The following SRRM1 variants were observed in gnomAD, a reference collection of about 807,000 sequenced individuals.
SRRM1 encodes the protein serine and arginine repetitive matrix 1.
In SRRM1, 19 loss-of-function variants were observed where a neutral mutation model predicts 110.2. The ratio of observed to expected loss-of-function variants is 0.17; its 90% CI spans 0.12 to 0.25. SRRM1 has a LOEUF of 0.25. SRRM1 is among the 10% of genes least tolerant of loss of function. The pLI, the probability that SRRM1 is intolerant of heterozygous loss-of-function variation, is 1.00. For synonymous variants in SRRM1, 443 were observed against 414.9 expected, an observed-to-expected ratio of 1.07 and a Z score of -0.82; for missense variants, 918 against 1,145.8, an observed-to-expected ratio of 0.80 and a Z score of 2.87.
chr1:24,667,844 T>C (rs778365885), intron 13 of SRRM1, among the ~76,000 whole-genome samples: 35 of 152,216 alleles, frequency 2.3e-4, no homozygotes, highest in Admixed American at 3.9e-4. Flanking sequence ...CATGGTGAAG[T>C]GGCAAATCTC....
In SRRM1 at chr1:24,670,156, C is replaced by A; in HGVS notation, c.2241C>A (p.Val747=). ...CAAGCCCACAGTCTGTAAGAAGGGT[C>A]TCATCCTCCCGATCTGTCTCCGGGT... ...ASPSPQSVRR[V]SSSRSVSGSP... Residue 747 remains valine (V), a synonymous_variant, in exon 15 of 17, where the codon GTC becomes GTA. Coordinates refer to ENST00000323848, the MANE Select transcript of SRRM1 (RefSeq NM_005839.4). The A allele has an allele frequency of 6.2e-7, 1 of 1,612,256 alleles. No individual in the cohort carries two copies. Among genetic ancestry groups the A allele is most frequent in the Non-Finnish European group, 8.5e-7 (1 of 1,179,310 alleles).
At chr1:24,666,507 A>T (rs1670048989) in intron 12 of SRRM1, 1 of 283,030 alleles carries the variant, frequency 3.5e-6, no homozygotes. Flanking sequence ...CACACCTATA[A>T]TCCCAGCACT....
intron 12 of SRRM1, among the ~76,000 whole-genome samples, chr1:24,663,681 A>G (rs982110572): frequency 6.6e-5 from 10 of 151,988 alleles, no homozygotes; most frequent in African/African-American, 2.4e-4. Flanking sequence ...GATCAAGACC[A>G]TCCTGGCCAA....
chr1:24,650,003 G>A lies in SRRM1; in HGVS notation c.438G>A (p.Lys146=). The A allele has an allele frequency of 6.3e-7, 1 of 1,592,674 alleles. No individual in the cohort carries two copies. Among genetic ancestry groups the A allele is most frequent in the East Asian group, 2.2e-5 (1 of 44,522 alleles). Reference sequence around the variant, plus strand: ...AAGAAAAACTGGCATCTATGAAAAAGCAAGATGAAGACAAAGATAAAAGAG... The same window carrying A: ...AAGAAAAACTGGCATCTATGAAAAAACAAGATGAAGACAAAGATAAAAGAG... ...IEQEKLASMK[K]QDEDKDKRDK... The change falls in exon 5 of 17, where the codon AAG becomes AAA. Residue 146 remains lysine, a synonymous_variant. Transcript: ENST00000323848.
At chr1:24,644,771 G>C (rs1176800664) in intron 1 of SRRM1, among the ~76,000 whole-genome samples, 1 of 152,166 alleles carries the variant, frequency 6.6e-6, no homozygotes, top group Non-Finnish European at 1.5e-5. Context: ...ATTTTCTGCA[G>C]TGCAAGTAGT....
intron 10 of SRRM1, chr1:24,661,007 TTTC>T: frequency 1.9e-6 from 1 of 540,354 alleles, no homozygotes; most frequent in East Asian, 3.0e-5. Context: ...TATCTGAGCC[TTTC>T]TTCTTTCATC....
chr1:24,665,938 A>AT (rs1375359367), intron 12 of SRRM1, among the ~76,000 whole-genome samples: 4 of 152,218 alleles, frequency 2.6e-5, no homozygotes, highest in African/African-American at 7.2e-5. Context: ...GGCAAAAAAA[A>AT]TTAAGAGCTT....
Position 24,654,709 on chromosome 1 carries a change from C to G in SRRM1, c.1041-146C>G, listed in dbSNP as rs1188107521. On this transcript the variant is annotated intron_variant, in intron 8 of 16. Transcript: ENST00000323848. ...CTGGCCTAGGTTATGGTTTTTTCCC[C>G]CATTCTTTTGGACTCATTTATGTGC... The G allele has an allele frequency of 3.2e-6, 3 of 926,190 alleles. No homozygotes were observed. The African/African-American group carries it at 5.0e-5, about 16-fold the overall frequency. 57.4% of individuals were successfully genotyped at this position (926,190 alleles called of 1,614,324 possible). A position where few individuals can be genotyped will look rare whatever the true frequency, so the allele number is the denominator to read the frequency against.
intron 1 of SRRM1, chr1:24,643,828 CT>C (rs1376625049): frequency 1.3e-5 from 2 of 156,136 alleles, no homozygotes; most frequent in Non-Finnish European, 2.8e-5. Flanking sequence ...CATTCAGCGG[CT>C]TTTTTTGAAA....
intron 16 of SRRM1, 152 bp from the exon 17 acceptor site, chr1:24,672,030 C>T: frequency 1.8e-6 from 1 of 547,024 alleles, no homozygotes; most frequent in East Asian, 3.3e-5. Flanking sequence ...ATTAACTCGT[C>T]GTTTAGCATT....
chr1:24,652,778 GTACCA>G, intron 7 of SRRM1, 130 bp from the exon 8 acceptor site: 1 of 1,336,210 alleles, frequency 7.5e-7, no homozygotes, highest in Non-Finnish European at 1.0e-6. Context: ...ACTTTTCTGT[GTACCA>G]TAAAAATCTA....
At chr1:24,655,184 A>G in intron 9 of SRRM1, 55 bp downstream of exon 9, 1 of 1,580,512 alleles carries the variant, frequency 6.3e-7, no homozygotes, top group Admixed American at 1.7e-5. Flanking sequence ...TACAAAGCGT[A>G]GTCAGTTATT....
chr1:24,646,163 G>A, intron 2 of SRRM1, 90 bp downstream of exon 2: 1 of 927,166 alleles, frequency 1.1e-6, no homozygotes, highest in Non-Finnish European at 1.7e-6. Flanking sequence ...ATTGTAACTT[G>A]AATGCTAAGA....
chr1:24,646,828 A>T (rs765852750), intron 3 of SRRM1, 39 bp downstream of exon 3: 17 of 1,513,160 alleles, frequency 1.1e-5, no homozygotes, highest in African/African-American at 2.9e-5. Flanking sequence ...TGAATATGTG[A>T]TATAATTTGT....
chr1:24,662,021 G>A (rs1396377263), intron 11 of SRRM1, among the ~76,000 whole-genome samples: 1 of 152,196 alleles, frequency 6.6e-6, no homozygotes, highest in East Asian at 1.9e-4. Context: ...AGGAGGCAGA[G>A]GTTGCAGTGA....
chr1:24,669,299 C>T lies in SRRM1; in HGVS notation c.1916C>T (p.Pro639Leu). ...PPPKRRVSHS[P>L]PPKQRSSPVT... ...CCAAAGCGGCGGGTCTCCCATTCTCCACCTCCCAAACAAAGAAGCTCCCCA... is the reference window on the plus strand; with the variant it reads ...CCAAAGCGGCGGGTCTCCCATTCTCTACCTCCCAAACAAAGAAGCTCCCCA... Residue 639 changes from proline to leucine, a missense_variant, in exon 14 of 17, where the codon CCA (proline) becomes CTA (leucine). Pro to Leu is a moderately conservative substitution (Grantham distance 98). Coordinates refer to ENST00000323848, the MANE Select transcript of SRRM1 (RefSeq NM_005839.4). The T allele has an allele frequency of 6.2e-7, 1 of 1,614,156 alleles. No individual in the cohort carries two copies. Among genetic ancestry groups the T allele is most frequent in the Non-Finnish European group, 8.5e-7 (1 of 1,180,038 alleles).
intron 1 of SRRM1, 90 bp downstream of exon 1, chr1:24,643,437 G>A: frequency 1.7e-6 from 2 of 1,192,830 alleles, no homozygotes; most frequent in Non-Finnish European, 2.3e-6. Flanking sequence ...GGTGGCCAGC[G>A]AGGGGAGCTT....
At chr1:24,660,602 T>C (rs906544769) in intron 9 of SRRM1, 117 bp from the exon 10 acceptor site, 7 of 444,158 alleles carry the variant, frequency 1.6e-5, no homozygotes, top group South Asian at 5.0e-5. Flanking sequence ...CTGACTAATA[T>C]AGTGAGACCC....
In SRRM1 at chr1:24,652,634, T is replaced by C. The variant is rs1661642244; in HGVS notation, c.920+6T>C. 2.5e-6 allele frequency: 4 copies of C among 1,590,864 alleles called. No individual in the cohort carries two copies. The highest frequency in any genetic ancestry group is 2.2e-5 in the East Asian group (1 of 44,552). On this transcript the variant is annotated splice_donor_region_variant and intron_variant, in intron 7 of 16. Transcript: ENST00000323848. ...CGCCATAGATCCCGATCAAGGTGAGTTGTGGCTTTAAGATCAACAAAGATC... is the reference window on the plus strand; with the variant it reads ...CGCCATAGATCCCGATCAAGGTGAGCTGTGGCTTTAAGATCAACAAAGATC...
Sources: gnomAD v4.1 joint callset for allele counts (sites outside exome capture counted in the v4.1 genomes callset) on GRCh38, gnomAD v4.1.1 for gene constraint, MANE v1.5 for transcripts, NCBI Gene and HGNC (gene_info 2026-07-23, HGNC 2026-07-21) for gene names.